Variants in PITRM1 observed in about 807,000 individuals in gnomAD.
PITRM1 encodes pitrilysin metallopeptidase 1.
PITRM1 carries 100 observed loss-of-function variants against 129.9 expected under a neutral mutation model. The ratio of observed to expected loss-of-function variants is 0.77; its 90% CI spans 0.65 to 0.91. The LOEUF is 0.91. PITRM1 is among the 40% of genes least tolerant of loss of function. The probability of loss-of-function intolerance (pLI) is 0.00; values close to 1 mark genes in which losing one functional copy is unlikely to be tolerated. For synonymous variants in PITRM1, 591 were observed against 508.8 expected, an observed-to-expected ratio of 1.16 and a Z score of -2.17; for missense variants, 1,471 against 1,318.3, an observed-to-expected ratio of 1.12 and a Z score of -1.79.
At chr10:3,143,241 C>T (rs1400923622) in intron 23 of PITRM1, 148 bp downstream of exon 23, 3 of 608,394 alleles carry the variant, frequency 4.9e-6, no homozygotes, top group South Asian at 2.0e-5. Flanking sequence ...TAAAGAGGAG[C>T]ACTCGTAGAC....
intron 13 of PITRM1, among the ~76,000 whole-genome samples, chr10:3,156,463 C>G (rs892930852): frequency 6.6e-5 from 10 of 152,194 alleles, no homozygotes; most frequent in Admixed American, 5.9e-4. Context: ...AGACAACAGT[C>G]TCTCCCACCA....
chr10:3,140,374 C>T (rs1439702577), intron 24 of PITRM1, among the ~76,000 whole-genome samples: 2 of 152,054 alleles, frequency 1.3e-5, no homozygotes, highest in East Asian at 1.9e-4. Context: ...ATTTTCAGAC[C>T]GAGGGGGACT....
At chr10:3,138,576 T>G in intron 25 of PITRM1, 1 of 603,572 alleles carries the variant, frequency 1.7e-6, no homozygotes, top group Non-Finnish European at 2.9e-6. Flanking sequence ...CGCGTGAGGC[T>G]GATGATGCTG....
At chr10:3,150,285 C>T (rs1029770659) in intron 15 of PITRM1, among the ~76,000 whole-genome samples, 13 of 152,176 alleles carry the variant, frequency 8.5e-5, no homozygotes, top group East Asian at 5.8e-4. Context: ...GACCAAGGTG[C>T]GGAAGGATGA....
At chr10:3,155,853 GTAA>G in intron 13 of PITRM1, 124 bp from the exon 14 acceptor site, 1 of 1,101,840 alleles carries the variant, frequency 9.1e-7, no homozygotes, top group Non-Finnish European at 1.3e-6. Flanking sequence ...TTTAAAAATA[GTAA>G]TAATAGAACG....
chr10:3,153,271 C>A (rs112183941), intron 14 of PITRM1, among the ~76,000 whole-genome samples: 1 of 152,068 alleles, frequency 6.6e-6, no homozygotes, highest in Non-Finnish European at 1.5e-5. Flanking sequence ...GGCCAGGCCA[C>A]GAATATGAAG....
At position 3,166,983 on chromosome 10, in the gene PITRM1, T is replaced by G; in HGVS notation, c.219A>C (p.Gly73=). The stretch of plus-strand genomic sequence containing the variant: ...CTCTGGCCAGGTGTAAATACCTGGC[T>G]CCTGTGTCATCATGGGTGAGCTTCA... ...TAVKLTHDDT[G]ARYLHLARED... is the part of the protein sequence containing the mutation. Residue 73 remains glycine (G), a synonymous_variant, in exon 3 of 27, where the codon GGA becomes GGC. Coordinates refer to ENST00000224949, the MANE Select transcript of PITRM1 (RefSeq NM_014889.4). 1.2e-6 allele frequency: 2 copies of G among 1,611,536 alleles called. No individual in the cohort carries two copies. Among genetic ancestry groups the G allele is most frequent in the Non-Finnish European group, 1.7e-6 (2 of 1,178,744 alleles).
At chr10:3,165,958 C>T (rs973375310) in intron 4 of PITRM1, among the ~76,000 whole-genome samples, 1 of 152,208 alleles carries the variant, frequency 6.6e-6, no homozygotes, top group Non-Finnish European at 1.5e-5. Context: ...GTAACTCTGG[C>T]ATTGTAGCGA....
At chr10:3,151,650 T>G (rs949517418) in intron 14 of PITRM1, among the ~76,000 whole-genome samples, 1 of 152,240 alleles carries the variant, frequency 6.6e-6, no homozygotes, top group Non-Finnish European at 1.5e-5. Flanking sequence ...CCTGCACCCC[T>G]CCAAAGTTTA....
Position 3,138,674 on chromosome 10 carries a change from A to G in PITRM1, c.2917+230T>C, listed in dbSNP as rs1443117968. On this transcript the variant is annotated intron_variant, in intron 25 of 26. Transcript: ENST00000224949. ...CACCCTAAAGAGCCCGGACACTGCC[A>G]TGGGTTGGCCCCACTGGGTCTCAGG... The G allele has an allele frequency of 2.9e-5, 19 of 649,412 alleles. No individual in the cohort carries two copies. In the South Asian group the frequency reaches 3.2e-4, roughly 11 times the overall value. 40.2% of individuals were successfully genotyped at this position (649,412 alleles called of 1,614,324 possible).
At chr10:3,166,107 G>A in intron 4 of PITRM1, 122 bp downstream of exon 4, 1 of 752,348 alleles carries the variant, frequency 1.3e-6, no homozygotes, top group Non-Finnish European at 2.0e-6. Flanking sequence ...CTAGAGAGAG[G>A]TAAAAATTTT....
intron 7 of PITRM1, among the ~76,000 whole-genome samples, chr10:3,162,157 TTAAAAA>T (rs1564426458): frequency 7.6e-6 from 1 of 131,920 alleles, no homozygotes; most frequent in Non-Finnish European, 1.6e-5. Context: ...GACCCTGTCT[TTAAAAA>T]AAAAAAAAAA....
intron 14 of PITRM1, among the ~76,000 whole-genome samples, chr10:3,154,599 A>T (rs1051966410): frequency 6.6e-6 from 1 of 152,182 alleles, no homozygotes; most frequent in South Asian, 2.1e-4. Flanking sequence ...CCATGTAATG[A>T]TTTATGTGCC....
At chr10:3,148,335 TACTG>T (rs763239013) in intron 16 of PITRM1, 44 bp from the exon 17 acceptor site, 1 of 1,539,548 alleles carries the variant, frequency 6.5e-7, no homozygotes, top group South Asian at 1.2e-5. Flanking sequence ...AGTCAGTCTT[TACTG>T]AATCATTTTT....
chr10:3,159,954 G>T lies in PITRM1; in HGVS notation c.919-18C>A, dbSNP rs142560962. The T allele has an allele frequency of 1.6e-3, 2,464 of 1,528,146 alleles. 38 individuals carry two copies. The African/African-American group carries it at 0.03, about 19-fold the overall frequency. 94.7% of individuals were successfully genotyped at this position (1,528,146 alleles called of 1,614,324 possible). A position where few individuals can be genotyped will look rare whatever the true frequency, so the allele number is the denominator to read the frequency against. ...AATTCCCTCTGTAAAATGACGTGAC[G>T]TTGTGAGTAGGCACAGTGTCTGACG... On this transcript the variant is annotated intron_variant, in intron 8 of 26. Coordinates refer to ENST00000224949, the MANE Select transcript of PITRM1 (RefSeq NM_014889.4).
At chr10:3,170,801 G>C (rs1367577363) in intron 1 of PITRM1, among the ~76,000 whole-genome samples, 1 of 151,948 alleles carries the variant, frequency 6.6e-6, no homozygotes, top group Non-Finnish European at 1.5e-5. Context: ...TTCGAGACCA[G>C]CCTGGCCAAA....
chr10:3,148,050 G>C lies in PITRM1; in HGVS notation c.2006C>G (p.Ser669Cys), dbSNP rs527628844. Residue 669 changes from serine (S) to cysteine (C), a missense_variant, in exon 18 of 27, where the codon TCC becomes TGC. Ser to Cys is a moderately radical substitution (Grantham distance 112). Transcript: ENST00000224949. ...MDTYEQGVLF[S>C]SLCLDRNLPD... ...CAGGTTTCGATCCAGGCAGAGAGAGGAGAAAAGCACACCCTGAACCAAAGA... is the reference window on the plus strand; with the variant it reads ...CAGGTTTCGATCCAGGCAGAGAGAGCAGAAAAGCACACCCTGAACCAAAGA... 2.5e-6 allele frequency: 4 copies of C among 1,613,764 alleles called. No homozygotes were observed. The highest frequency in any genetic ancestry group is 1.7e-5 in the Admixed American group (1 of 60,032).
intron 6 of PITRM1, 133 bp from the exon 7 acceptor site, chr10:3,164,018 TGG>T: frequency 2.1e-6 from 1 of 470,144 alleles, no homozygotes; most frequent in Non-Finnish European, 3.5e-6. Flanking sequence ...GCTGTTCTAA[TGG>T]TTTAAAAAAA....
chr10:3,154,325 G>A (rs1161381898), intron 14 of PITRM1, among the ~76,000 whole-genome samples: 1 of 152,200 alleles, frequency 6.6e-6, no homozygotes, highest in Non-Finnish European at 1.5e-5. Context: ...GGAACGTTAG[G>A]AGCGGGGCTT....
Sources: gnomAD v4.1 joint callset for allele counts (sites outside exome capture counted in the v4.1 genomes callset) on GRCh38, gnomAD v4.1.1 for gene constraint, MANE v1.5 for transcripts, NCBI Gene and HGNC (gene_info 2026-07-23, HGNC 2026-07-21) for gene names.